The following SGCD variants were observed in gnomAD, a reference collection of about 807,000 sequenced individuals.
SGCD encodes the protein delta-sarcoglycan.
Under a neutral mutation model 36.6 loss-of-function variants are expected in SGCD, and 18 were observed. The observed-to-expected ratio is 0.49, with a 90% CI of 0.34 to 0.73. The LOEUF is 0.73. Ranked by LOEUF, SGCD falls within the 30% of genes least tolerant of loss-of-function variation. The probability of loss-of-function intolerance (pLI) is 0.01; values close to 1 mark genes in which losing one functional copy is unlikely to be tolerated. For synonymous variants in SGCD, 133 were observed against 130.6 expected (o/e 1.02, Z -0.12); for missense variants, 387 against 346.7 (o/e 1.12, Z -0.92).
chr5:156,736,896 G>A (rs1756398946), intron 7 of SGCD, among the ~76,000 whole-genome samples: 1 of 152,142 alleles, frequency 6.6e-6, no homozygotes, highest in African/African-American at 2.4e-5. Flanking sequence ...ACCCTACTGA[G>A]ACCAACACCA....
chr5:156,660,055 T>TCC (rs1439628415), intron 7 of SGCD, among the ~76,000 whole-genome samples: 3 of 148,420 alleles, frequency 2.0e-5, no homozygotes, highest in South Asian at 4.2e-4. Flanking sequence ...GGGCAAGGTT[T>TCC]CCCTTTAGGT....
At chr5:156,644,779 C>T (rs1763165548) in intron 6 of SGCD, among the ~76,000 whole-genome samples, 1 of 152,058 alleles carries the variant, frequency 6.6e-6, no homozygotes, top group African/African-American at 2.4e-5. Flanking sequence ...TGCCTAAGAG[C>T]ATAGAGATAG....
intron 4 of SGCD, among the ~76,000 whole-genome samples, chr5:156,554,568 C>A (rs1758936587): frequency 6.8e-6 from 1 of 146,612 alleles, no homozygotes; most frequent in South Asian, 2.1e-4. Context: ...TATGTTTAAC[C>A]AAAAAAAAGT....
chr5:156,488,252 T>G (rs1306587700), intron 3 of SGCD, among the ~76,000 whole-genome samples: 3 of 151,748 alleles, frequency 2.0e-5, no homozygotes, highest in Non-Finnish European at 2.9e-5. Flanking sequence ...GAAATCCTAT[T>G]TAATCATGTA....
At chr5:156,426,526 G>A (rs1249497241) in intron 3 of SGCD, among the ~76,000 whole-genome samples, 1 of 151,886 alleles carries the variant, frequency 6.6e-6, no homozygotes, top group Non-Finnish European at 1.5e-5. Flanking sequence ...TTGTCTCTTT[G>A]CTGATTATTT....
chr5:156,403,169 C>T (rs1561672773), intron 3 of SGCD, among the ~76,000 whole-genome samples: 1 of 152,146 alleles, frequency 6.6e-6, no homozygotes, highest in East Asian at 1.9e-4. Flanking sequence ...TCCTTCCATC[C>T]ATCCTCCCCA....
chr5:156,149,756 G>A lies in SGCD; in HGVS notation c.-44+25737G>A, dbSNP rs186542374. ...GGGCATGCCCTGCCTGAAGGAGGCTGGCATGGCCTCCTTGTGTATTTAAGT... is the reference window on the plus strand; with the variant it reads ...GGGCATGCCCTGCCTGAAGGAGGCTAGCATGGCCTCCTTGTGTATTTAAGT... On this transcript the variant is annotated intron_variant, in intron 3 of 9. Transcript: ENST00000517913. Among the ~76,000 whole-genome samples the A allele has an allele frequency of 1.1e-4, 16 of 152,280 alleles. No individual in the cohort carries two copies. The East Asian group carries it at 2.9e-3, about 28-fold the overall frequency.
intron 3 of SGCD, among the ~76,000 whole-genome samples, chr5:156,281,167 A>G (rs1766442801): frequency 6.6e-6 from 1 of 152,204 alleles, no homozygotes; most frequent in African/African-American, 2.4e-5. Flanking sequence ...ATGTTTAAAA[A>G]TATAAGTGCT....
intron 3 of SGCD, among the ~76,000 whole-genome samples, chr5:156,448,714 A>T (rs951739100): frequency 7.1e-6 from 1 of 140,614 alleles, no homozygotes; most frequent in East Asian, 2.1e-4. Context: ...GGGTGGGAGA[A>T]GTTTCTTTTT....
chr5:156,357,201 T>TGGC (rs894510460), intron 3 of SGCD, among the ~76,000 whole-genome samples: 3 of 152,188 alleles, frequency 2.0e-5, no homozygotes, highest in African/African-American at 7.2e-5. Context: ...GTTAAGTGCC[T>TGGC]GGCTTTGTTT....
chr5:155,957,922 G>C (rs748016142), intron 1 of SGCD, among the ~76,000 whole-genome samples: 23 of 152,220 alleles, frequency 1.5e-4, no homozygotes, highest in Middle Eastern at 3.4e-3. Flanking sequence ...AGGCAGAGTG[G>C]GCACAGGTGC....
chr5:156,237,185 T>A (rs572722923), intron 3 of SGCD, among the ~76,000 whole-genome samples: 1 of 152,306 alleles, frequency 6.6e-6, no homozygotes, highest in South Asian at 2.1e-4. Context: ...TAACTTTGGC[T>A]ATTTTATATC....
At position 156,364,577 on chromosome 5, in the gene SGCD, G is replaced by T. The variant is rs73815050; in HGVS notation, c.192+19900G>T. ...ATCCAGTATGTGTGTGACTTTCAAG[G>T]AATCTTTAATGGTTCAATATCTTTT... On this transcript the variant is annotated intron_variant, in intron 3 of 8. Transcript: ENST00000337851. 3.4e-3 allele frequency among the ~76,000 whole-genome samples: 525 copies of T among 152,220 alleles called. 3 individuals are homozygous for T. Among genetic ancestry groups the T allele is most frequent in the African/African-American group, 0.012 (496 of 41,538 alleles).
chr5:156,252,201 A>G (rs1041551917), intron 3 of SGCD, among the ~76,000 whole-genome samples: 4 of 151,562 alleles, frequency 2.6e-5, no homozygotes, highest in Admixed American at 1.3e-4. Flanking sequence ...CCGAGTATTA[A>G]TCCCCTCCTG....
intron 7 of SGCD, among the ~76,000 whole-genome samples, chr5:156,705,208 A>G (rs1754691095): frequency 6.6e-6 from 1 of 152,220 alleles, no homozygotes; most frequent in African/African-American, 2.4e-5. Context: ...ACATCTTTTT[A>G]TTACAATTTT....
intron 3 of SGCD, among the ~76,000 whole-genome samples, chr5:156,150,050 G>A (rs1762797280): frequency 6.6e-6 from 1 of 152,064 alleles, no homozygotes; most frequent in Non-Finnish European, 1.5e-5. Context: ...AGGCCTAGTG[G>A]CATCTCTTCT....
intron 3 of SGCD, among the ~76,000 whole-genome samples, chr5:156,385,793 T>C (rs1444834076): frequency 6.6e-6 from 1 of 152,186 alleles, no homozygotes; most frequent in Admixed American, 6.5e-5. Context: ...TTAGATGCAT[T>C]GTTAAATATT....
chr5:155,984,146 A>G lies in SGCD; in HGVS notation c.-282+113722A>G, dbSNP rs115068979. Reference sequence around the variant, plus strand: ...TTTCCACTTTGCAAAGCACATTCACATACTTGATTTTCATTTGATCCTCTG... The same window carrying G: ...TTTCCACTTTGCAAAGCACATTCACGTACTTGATTTTCATTTGATCCTCTG... On this transcript the variant is annotated intron_variant, in intron 1 of 9. Transcript: ENST00000517913. 1.7e-3 allele frequency among the ~76,000 whole-genome samples: 255 copies of G among 152,326 alleles called. 1 individual carries two copies. Among genetic ancestry groups the G allele is most frequent in the Non-Finnish European group, 2.9e-3 (197 of 68,038 alleles).
chr5:156,533,991 A>C (rs1000370700), intron 4 of SGCD, among the ~76,000 whole-genome samples: 1 of 151,700 alleles, frequency 6.6e-6, no homozygotes, highest in Non-Finnish European at 1.5e-5. Flanking sequence ...CTTTTCTTTT[A>C]TCTCCTTCAA....
Sources: allele counts gnomAD v4.1 joint callset (sites outside exome capture counted in the v4.1 genomes callset), GRCh38; gene constraint gnomAD v4.1.1; transcripts MANE v1.5; gene names NCBI Gene and HGNC (gene_info 2026-07-23, HGNC 2026-07-21).